The following RBM20 variants were observed in gnomAD, a reference collection of about 807,000 sequenced individuals.
RBM20 encodes RNA binding motif protein 20, also known as RNA-binding protein 20.
In RBM20, 51 loss-of-function variants were observed where a neutral mutation model predicts 110.1. That is an observed-to-expected ratio of 0.46 (90% confidence interval 0.37 to 0.59). RBM20 has a LOEUF of 0.59. Ranked by LOEUF, RBM20 falls within the 20% of genes least tolerant of loss-of-function variation. The pLI is 0.00. For missense variants in RBM20, 1,512 were observed against 1,574.9 expected, an observed-to-expected ratio of 0.96 and a Z score of 0.68; for synonymous variants, 589 against 618.2, an observed-to-expected ratio of 0.95 and a Z score of 0.70.
intron 1 of RBM20, among the ~76,000 whole-genome samples, chr10:110,690,874 A>G (rs865825781): frequency 2.0e-5 from 3 of 152,196 alleles, no homozygotes; most frequent in African/African-American, 7.2e-5. Flanking sequence ...TGGTGTACAA[A>G]TATTTGAGTC....
Position 110,821,898 on chromosome 10 carries a change from C to T in RBM20, c.3279C>T (p.Asp1093=), listed in dbSNP as rs1003478669. The T allele has an allele frequency of 1.1e-5, 17 of 1,551,622 alleles. No homozygotes were observed. In the African/African-American group the frequency reaches 2.3e-4, roughly 21 times the overall value. Residue 1093 remains aspartate (D), a synonymous_variant, in exon 11 of 14, where the codon GAC becomes GAT. Coordinates refer to ENST00000369519, the MANE Select transcript of RBM20 (RefSeq NM_001134363.3). ...EEKASPPIET[D]LQNQACQEVL... ...AAGCCAGCCCCCCCATCGAAACTGA[C>T]CTCCAAAACCAAGCTTGCCAAGAAG... is the stretch of plus-strand genomic sequence containing the variant.
intron 1 of RBM20, among the ~76,000 whole-genome samples, chr10:110,732,710 G>T (rs549811070): frequency 6.6e-6 from 1 of 152,168 alleles, no homozygotes; most frequent in Non-Finnish European, 1.5e-5. Context: ...TCTTCAGGGA[G>T]CCTGGCTCTT....
chr10:110,810,527 A>C, intron 8 of RBM20, 65 bp downstream of exon 8: 7 of 1,159,014 alleles, frequency 6.0e-6, no homozygotes, highest in South Asian at 1.4e-5. Context: ...CCTGTTTCTC[A>C]TTCTTAGGGG....
chr10:110,711,693 A>C (rs1470446013), intron 1 of RBM20, among the ~76,000 whole-genome samples: 1 of 152,234 alleles, frequency 6.6e-6, no homozygotes, highest in African/African-American at 2.4e-5. Context: ...CTGCCGCATA[A>C]GCCAGCCTCC....
intron 9 of RBM20, among the ~76,000 whole-genome samples, chr10:110,816,545 TCTCC>T (rs1298385105): frequency 2.0e-5 from 3 of 151,966 alleles, no homozygotes; most frequent in Non-Finnish European, 4.4e-5. Flanking sequence ...AACCCCCTCC[TCTCC>T]CTCCCTGCTT....
At chr10:110,666,371 A>G (rs1862179426) in intron 1 of RBM20, among the ~76,000 whole-genome samples, 1 of 152,112 alleles carries the variant, frequency 6.6e-6, no homozygotes, top group African/African-American at 2.4e-5. Flanking sequence ...GGCTGGGTGC[A>G]GTGGCTCATG....
intron 12 of RBM20, among the ~76,000 whole-genome samples, chr10:110,824,590 A>G (rs1417465603): frequency 6.6e-6 from 1 of 152,122 alleles, no homozygotes; most frequent in Non-Finnish European, 1.5e-5. Context: ...TGAAGTGGGG[A>G]GGGAGTTTAC....
rs1199828354 is a variant in RBM20, at chr10:110,797,438, A to C, written c.1528-70A>C. On this transcript the variant is annotated intron_variant, in intron 5 of 13. Transcript: ENST00000369519. ...TTGTTTAGGGGAAAGATAGCCATTA[A>C]GAACGTCTGGAAGAGAGGGGAAAAG... 3.6e-6 allele frequency: 5 copies of C among 1,399,596 alleles called. No homozygotes were observed. In the African/African-American group the frequency reaches 5.8e-5, roughly 16 times the overall value. 86.7% of individuals were successfully genotyped at this position (1,399,596 alleles called of 1,614,324 possible).
intron 1 of RBM20, among the ~76,000 whole-genome samples, chr10:110,722,414 A>G (rs1319401704): frequency 6.6e-6 from 1 of 152,016 alleles, no homozygotes; most frequent in Non-Finnish European, 1.5e-5. Context: ...ACCTGCATGA[A>G]GCATTGTGAT....
intron 10 of RBM20, among the ~76,000 whole-genome samples, chr10:110,821,012 AC>A (rs1844901590): frequency 6.6e-6 from 1 of 152,236 alleles, no homozygotes; most frequent in Non-Finnish European, 1.5e-5. Flanking sequence ...TATATTGAGC[AC>A]CCATTATCTA....
chr10:110,651,080 G>A (rs1353625958), intron 1 of RBM20, among the ~76,000 whole-genome samples: 1 of 152,206 alleles, frequency 6.6e-6, no homozygotes, highest in Non-Finnish European at 1.5e-5. Flanking sequence ...AGCCTCTCCA[G>A]GGATTGGAAA....
chr10:110,805,210 G>A (rs988758102), intron 7 of RBM20, among the ~76,000 whole-genome samples: 2 of 152,194 alleles, frequency 1.3e-5, no homozygotes, highest in Non-Finnish European at 2.9e-5. Context: ...GCTACCAGAA[G>A]TTCCATGGCA....
intron 2 of RBM20, 94 bp from the exon 3 acceptor site, chr10:110,783,249 GGTGGTCCAGCCTCTGGGCGCTCT>G (rs1844377199): frequency 1.4e-6 from 1 of 707,886 alleles, no homozygotes; most frequent in Non-Finnish European, 2.6e-6. Context: ...TGTCTGCAGG[GGTGGTCCAGCCTCTGGGCGCTCT>G]GTGCTCCCTG....
chr10:110,672,495 G>A (rs1367847698), intron 1 of RBM20, among the ~76,000 whole-genome samples: 1 of 152,224 alleles, frequency 6.6e-6, no homozygotes, highest in East Asian at 1.9e-4. Context: ...CTCGCCCGGC[G>A]GAGCTTCCGT....
At chr10:110,653,744 T>TG (rs1861983567) in intron 1 of RBM20, among the ~76,000 whole-genome samples, 1 of 152,136 alleles carries the variant, frequency 6.6e-6, no homozygotes, top group South Asian at 2.1e-4. Flanking sequence ...TTTGTAGAGA[T>TG]GGGGTTTCAC....
intron 1 of RBM20, among the ~76,000 whole-genome samples, chr10:110,708,529 G>A (rs1158252871): frequency 6.6e-6 from 1 of 152,012 alleles, no homozygotes; most frequent in African/African-American, 2.4e-5. Flanking sequence ...CTAGTTTCTG[G>A]TAAAATACGT....
At chr10:110,757,503 G>A (rs1381439027) in intron 1 of RBM20, among the ~76,000 whole-genome samples, 2 of 152,198 alleles carry the variant, frequency 1.3e-5, no homozygotes, top group East Asian at 3.8e-4. Context: ...AGTACTCACA[G>A]AATATGCGAA....
intron 1 of RBM20, among the ~76,000 whole-genome samples, chr10:110,658,126 C>A (rs1862050419): frequency 6.6e-6 from 1 of 152,112 alleles, no homozygotes; most frequent in South Asian, 2.1e-4. Flanking sequence ...AACAAAACTG[C>A]AGAACTTCAA....
chr10:110,783,262 C>T, intron 2 of RBM20, 104 bp from the exon 3 acceptor site: 3 of 830,912 alleles, frequency 3.6e-6, no homozygotes, highest in Non-Finnish European at 6.0e-6. Flanking sequence ...GGTCCAGCCT[C>T]TGGGCGCTCT....
Sources: allele counts gnomAD v4.1 joint callset (sites outside exome capture counted in the v4.1 genomes callset), GRCh38; gene constraint gnomAD v4.1.1; transcripts MANE v1.5; gene names NCBI Gene and HGNC (gene_info 2026-07-23, HGNC 2026-07-21).